Variants in HIPK3 observed in about 807,000 individuals in gnomAD.
The protein encoded by HIPK3 is homeodomain-interacting protein kinase 3.
HIPK3 carries 47 observed loss-of-function variants against 124.2 expected under a neutral mutation model. The ratio of observed to expected loss-of-function variants is 0.38; its 90% confidence interval spans 0.30 to 0.48. HIPK3 has a LOEUF of 0.48. HIPK3 is among the 20% of genes least tolerant of loss of function. The pLI, the probability that HIPK3 is intolerant of heterozygous loss-of-function variation, is 0.98. For missense variants in HIPK3, 1,286 were observed against 1,454.3 expected (o/e 0.88, Z 1.88); for synonymous variants, 482 against 515.2 (o/e 0.94, Z 0.87).
chr11:33,328,533 T>C lies in HIPK3; in HGVS notation c.1121T>C (p.Leu374Ser), dbSNP rs1852875836. Residue 374 changes from leucine to serine, a missense_variant, in exon 3 of 17, where the codon TTG (leucine) becomes TCG (serine). Coordinates refer to ENST00000303296, the MANE Select transcript of HIPK3 (RefSeq NM_005734.5). ...AGAGCTCCAGAGATTATATTGGGGT[T>C]GCCATTTTGTGAAGCCATAGACATG... ...YYRAPEIILG[L>S]PFCEAIDMWS... 2 of 1,613,516 alleles carry C rather than the reference T, an allele frequency of 1.2e-6. No individual in the cohort carries two copies. Among genetic ancestry groups the C allele is most frequent in the East Asian group, 2.2e-5 (1 of 44,862 alleles).
At chr11:33,271,235 A>C (rs1851116685) in intron 1 of HIPK3, among the ~76,000 whole-genome samples, 1 of 152,210 alleles carries the variant, frequency 6.6e-6, no homozygotes, top group Admixed American at 6.5e-5. Context: ...ATATGCAATC[A>C]TTATTTTCAT....
In HIPK3 at chr11:33,353,553, G is replaced by A. The variant is rs1304996342; in HGVS notation, c.3633G>A (p.Gln1211=). 2.5e-6 allele frequency: 4 copies of A among 1,598,528 alleles called. No individual in the cohort carries two copies. The highest frequency in any genetic ancestry group is 1.7e-5 in the Admixed American group (1 of 59,974). ...GFPLSPTKLS[Q]YPYM is the part of the protein sequence containing the mutation. ...CACTGAGTCCAACAAAACTCAGCCA[G>A]TATCCATATATGTGAAAAACAGTAT... is the stretch of plus-strand genomic sequence containing the variant. Residue 1211 remains glutamine, a synonymous_variant, in exon 17 of 17, where the codon CAG becomes CAA. Transcript: ENST00000303296.
At position 33,348,785 on chromosome 11, in the gene HIPK3, A is replaced by G. The variant is rs1853574175; in HGVS notation, c.2633A>G (p.Glu878Gly). Residue 878 changes from glutamate to glycine, a missense_variant, in exon 13 of 17, where the codon GAG becomes GGG. Around this residue, in one of 3 missense-constraint regions of HIPK3, gnomAD observed 810 missense variants for 864.9 expected, o/e 0.94. Transcript: ENST00000303296. ...ATCACTATCAGCAGTGACACTGATG[A>G]GGAAGAGACTTCCCAGAGACATTCA... Reference protein sequence around the residue: ...SVITISSDTDEEETSQRHSLR... With the variant: ...SVITISSDTDGEETSQRHSLR... The G allele has an allele frequency of 1.2e-6, 2 of 1,613,980 alleles. No homozygotes were observed. Among genetic ancestry groups the G allele is most frequent in the Admixed American group, 1.7e-5 (1 of 60,004 alleles).
intron 1 of HIPK3, among the ~76,000 whole-genome samples, chr11:33,263,558 T>G (rs1380324205): frequency 1.3e-5 from 2 of 151,180 alleles, no homozygotes; most frequent in Admixed American, 6.6e-5. Context: ...TCAAGTGATC[T>G]GCCCACCTTG....
At chr11:33,348,913 G>A (rs1291967626) in intron 13 of HIPK3, 95 bp downstream of exon 13, 11 of 1,177,360 alleles carry the variant, frequency 9.3e-6, no homozygotes, top group Non-Finnish European at 1.1e-5. Flanking sequence ...GTTTGTCAAT[G>A]TACTCTGGAG....
At chr11:33,329,930 C>G (rs912863131) in intron 3 of HIPK3, among the ~76,000 whole-genome samples, 3 of 152,210 alleles carry the variant, frequency 2.0e-5, no homozygotes, top group Non-Finnish European at 2.9e-5. Flanking sequence ...AGGACACCCT[C>G]TAGTGGCAAT....
intron 14 of HIPK3, 22 bp downstream of exon 14, chr11:33,349,309 T>C: frequency 6.3e-7 from 1 of 1,586,876 alleles, no homozygotes; most frequent in Non-Finnish European, 8.6e-7. Flanking sequence ...TCAATAGTAG[T>C]GTGTAATAAA....
intron 1 of HIPK3, among the ~76,000 whole-genome samples, chr11:33,265,900 A>G (rs1160866877): frequency 6.6e-6 from 1 of 151,316 alleles, no homozygotes; most frequent in Non-Finnish European, 1.5e-5. Context: ...CCTGGCTAAC[A>G]TGGTGAAACC....
chr11:33,257,410 G>A lies in HIPK3; in HGVS notation c.-482G>A. On this transcript the variant is annotated 5_prime_UTR_variant, in exon 1 of 17. Coordinates refer to ENST00000303296, the MANE Select transcript of HIPK3 (RefSeq NM_005734.5). Reference sequence around the variant, plus strand: ...GCAGCTGCCTCAGTGACGACTGCCGGCATCGCGGCGACCTGAGGAGATCAA... The same window carrying A: ...GCAGCTGCCTCAGTGACGACTGCCGACATCGCGGCGACCTGAGGAGATCAA... The A allele has an allele frequency of 1.0e-6, 1 of 985,194 alleles. No individual in the cohort carries two copies. The highest frequency in any genetic ancestry group is 1.2e-6 in the Non-Finnish European group (1 of 829,810). The allele number at this position is 985,194 out of a possible 1,614,324, so 61.0% of individuals were successfully genotyped here.
Position 33,347,715 on chromosome 11 carries a change from TGA to T in HIPK3, c.2110_2111del (p.Ser704CysfsTer21). 1 of 1,614,186 alleles carries T rather than the reference TGA, an allele frequency of 6.2e-7. No homozygotes were observed. Reference sequence around the variant, plus strand: ...CTCCTGCTACTACTACACTAACTTCTGAGAGTGTGGCTGGTTCACACAGGCTT... The same window carrying T: ...CTCCTGCTACTACTACACTAACTTCTGAGTGTGGCTGGTTCACACAGGCTT... ...LAPATTTLTS[E>X]SVAGSHRLGD... On this transcript the variant is annotated frameshift_variant, in exon 10 of 17. Coordinates refer to ENST00000303296, the MANE Select transcript of HIPK3 (RefSeq NM_005734.5). LOFTEE classifies it high-confidence loss of function.
At position 33,257,599 on chromosome 11, in the gene HIPK3, C is replaced by G. The variant is rs1470308063; in HGVS notation, c.-293C>G. The G allele has an allele frequency of 1.0e-6, 1 of 986,968 alleles. No individual in the cohort carries two copies. 61.1% of individuals were successfully genotyped at this position (986,968 alleles called of 1,614,324 possible). ...GCCTCCCACTACCCCTCGCCCTAGCCAAGCCGTCCCCACCCCAAATCCCCG... is the reference window on the plus strand; with the variant it reads ...GCCTCCCACTACCCCTCGCCCTAGCGAAGCCGTCCCCACCCCAAATCCCCG... On this transcript the variant is annotated 5_prime_UTR_variant, in exon 1 of 17. Coordinates refer to ENST00000303296, the MANE Select transcript of HIPK3 (RefSeq NM_005734.5).
chr11:33,351,773 C>G lies in HIPK3; in HGVS notation c.2973C>G (p.Val991=), dbSNP rs775865075. ...SSADTETKPA[V]CSVVVPPVEL... ...CTGACACAGAAACCAAGCCAGCTGT[C>G]TGTTCTGTTGTGGTGCCACCAGTGG... is the stretch of plus-strand genomic sequence containing the variant. Residue 991 remains valine, a synonymous_variant, in exon 15 of 17, where the codon GTC becomes GTG. Transcript: ENST00000303296. 5 of 1,614,076 alleles carry G rather than the reference C, an allele frequency of 3.1e-6. No homozygotes were observed. The highest frequency in any genetic ancestry group is 1.6e-4 in the Middle Eastern group (1 of 6,082).
At chr11:33,344,321 G>C (rs1853431426) in intron 8 of HIPK3, among the ~76,000 whole-genome samples, 1 of 152,028 alleles carries the variant, frequency 6.6e-6, no homozygotes, top group Non-Finnish European at 1.5e-5. Flanking sequence ...AGGTTATTTG[G>C]TTCTAGTAAT....
chr11:33,333,028 G>T (rs1853034505), intron 3 of HIPK3, among the ~76,000 whole-genome samples: 1 of 152,042 alleles, frequency 6.6e-6, no homozygotes, highest in Non-Finnish European at 1.5e-5. Context: ...ACTCACTGTT[G>T]GGGGGACAGC....
At chr11:33,346,902 A>G (rs1853509748) in intron 8 of HIPK3, among the ~76,000 whole-genome samples, 1 of 152,176 alleles carries the variant, frequency 6.6e-6, no homozygotes, top group South Asian at 2.1e-4. Flanking sequence ...TAACTCCACA[A>G]TCAGGGCTGG....
intron 1 of HIPK3, among the ~76,000 whole-genome samples, chr11:33,269,146 A>T (rs1424479922): frequency 3.3e-5 from 5 of 152,236 alleles, no homozygotes; most frequent in African/African-American, 1.2e-4. Flanking sequence ...ATAGCTTGGC[A>T]GGTACCTGAC....
At chr11:33,315,215 C>T (rs1226529301) in intron 2 of HIPK3, among the ~76,000 whole-genome samples, 1 of 152,066 alleles carries the variant, frequency 6.6e-6, no homozygotes, top group Admixed American at 6.6e-5. Context: ...GTAATGTTCT[C>T]ACAGTCTTCT....
At chr11:33,257,360 G>A, upstream of HIPK3, 2 of 984,878 alleles carry the variant, frequency 2.0e-6, no homozygotes, top group African/African-American at 1.7e-5. Flanking sequence ...CGCGGAGGAG[G>A]GGCCCGAGGC....
chr11:33,345,762 T>C (rs1461554089), intron 8 of HIPK3, among the ~76,000 whole-genome samples: 1 of 152,158 alleles, frequency 6.6e-6, no homozygotes, highest in Non-Finnish European at 1.5e-5. Flanking sequence ...ACTTGACTCA[T>C]ACCTGGCTCT....
Sources: allele counts gnomAD v4.1 joint callset (sites outside exome capture counted in the v4.1 genomes callset), GRCh38; gene constraint gnomAD v4.1.1; regional missense constraint gnomAD v4.1.1; transcripts MANE v1.5; gene names NCBI Gene and HGNC (gene_info 2026-07-23, HGNC 2026-07-21).